CNTNAP5: variants seen among roughly 807,000 people sequenced by gnomAD.
CNTNAP5 encodes the protein contactin associated protein family member 5.
Under a neutral mutation model 150.2 loss-of-function variants are expected in CNTNAP5, and 72 were observed. That is an observed-to-expected ratio of 0.48 (90% CI 0.40 to 0.58). CNTNAP5 has a LOEUF of 0.58. CNTNAP5 is among the 20% of genes least tolerant of loss of function. The pLI is 0.00. For missense variants in CNTNAP5, 1,636 were observed against 1,626.2 expected (o/e 1.01, Z -0.10); for synonymous variants, 672 against 619.8 (o/e 1.08, Z -1.25).
At chr2:124,889,021 A>G (rs776210367) in intron 21 of CNTNAP5, among the ~76,000 whole-genome samples, 18 of 147,278 alleles carry the variant, frequency 1.2e-4, no homozygotes, top group African/African-American at 3.0e-4. Flanking sequence ...GTCAAGTCTA[A>G]TGTCTGAAAT....
chr2:124,864,643 A>G (rs1004835008), intron 19 of CNTNAP5, among the ~76,000 whole-genome samples: 2 of 151,922 alleles, frequency 1.3e-5, no homozygotes, highest in Non-Finnish European at 2.9e-5. Context: ...TGGGAGTCTC[A>G]TATGTCTAAA....
intron 1 of CNTNAP5, among the ~76,000 whole-genome samples, chr2:124,066,376 A>C (rs1325679079): frequency 6.6e-6 from 1 of 152,222 alleles, no homozygotes; most frequent in African/African-American, 2.4e-5. Context: ...TTTGGAGATT[A>C]GGATATACGT....
At chr2:124,086,512 C>T (rs1682696563) in intron 1 of CNTNAP5, among the ~76,000 whole-genome samples, 1 of 151,596 alleles carries the variant, frequency 6.6e-6, no homozygotes, top group African/African-American at 2.4e-5. Context: ...CTGGTGTACA[C>T]ACTTTTATAA....
intron 1 of CNTNAP5, among the ~76,000 whole-genome samples, chr2:124,031,731 A>C (rs533033187): frequency 6.6e-6 from 1 of 152,198 alleles, no homozygotes; most frequent in Admixed American, 6.5e-5. Context: ...ATAGAATCTA[A>C]AAAAAATACA....
At chr2:124,102,124 C>G (rs1295644040) in intron 1 of CNTNAP5, among the ~76,000 whole-genome samples, 1 of 152,152 alleles carries the variant, frequency 6.6e-6, no homozygotes, top group Non-Finnish European at 1.5e-5. Context: ...TCCACCACCC[C>G]CTGAACCAGA....
chr2:124,122,577 C>A (rs933271426), intron 1 of CNTNAP5, among the ~76,000 whole-genome samples: 1 of 152,096 alleles, frequency 6.6e-6, no homozygotes, highest in Non-Finnish European at 1.5e-5. Context: ...TTAGCACATT[C>A]CACACTTTAC....
chr2:124,856,836 G>A (rs951413065), intron 19 of CNTNAP5, among the ~76,000 whole-genome samples: 8 of 152,120 alleles, frequency 5.3e-5, no homozygotes, highest in Non-Finnish European at 7.4e-5. Flanking sequence ...CTACTTAGAC[G>A]TATACAGAGT....
At chr2:124,520,782 T>C (rs1032733033) in intron 8 of CNTNAP5, among the ~76,000 whole-genome samples, 1 of 152,188 alleles carries the variant, frequency 6.6e-6, no homozygotes, top group African/African-American at 2.4e-5. Flanking sequence ...GTTCTCCTCA[T>C]TGGACACGTC....
chr2:124,303,508 A>C (rs1688614260), intron 3 of CNTNAP5, among the ~76,000 whole-genome samples: 1 of 152,228 alleles, frequency 6.6e-6, no homozygotes, highest in Non-Finnish European at 1.5e-5. Context: ...CAACCAAGAC[A>C]GGTGTTCAAG....
At chr2:124,515,662 G>C (rs1361261938) in intron 8 of CNTNAP5, among the ~76,000 whole-genome samples, 4 of 152,156 alleles carry the variant, frequency 2.6e-5, no homozygotes, top group African/African-American at 9.7e-5. Context: ...ACTTGGCCTT[G>C]GAAGATTGGG....
At chr2:124,231,977 G>C (rs778748095) in intron 2 of CNTNAP5, among the ~76,000 whole-genome samples, 5 of 152,200 alleles carry the variant, frequency 3.3e-5, no homozygotes, top group African/African-American at 1.2e-4. Flanking sequence ...CAAGAAAGAA[G>C]CGAATTTCAT....
At chr2:124,254,427 C>T (rs371677599) in intron 3 of CNTNAP5, among the ~76,000 whole-genome samples, 19 of 152,282 alleles carry the variant, frequency 1.2e-4, no homozygotes, top group Non-Finnish European at 2.2e-4. Flanking sequence ...GTGGCTCCTG[C>T]GCAGTCCAGC....
chr2:124,465,592 G>T (rs1424345414), intron 6 of CNTNAP5, among the ~76,000 whole-genome samples: 3 of 152,004 alleles, frequency 2.0e-5, no homozygotes, highest in Non-Finnish European at 4.4e-5. Flanking sequence ...CATACCTCTT[G>T]GAATTACATA....
chr2:124,827,626 A>G (rs1444285855), intron 19 of CNTNAP5, among the ~76,000 whole-genome samples: 3 of 152,186 alleles, frequency 2.0e-5, no homozygotes, highest in African/African-American at 4.8e-5. Context: ...GAAGACGAAC[A>G]TAGTCCACTT....
intron 1 of CNTNAP5, among the ~76,000 whole-genome samples, chr2:124,098,010 A>G (rs1370790128): frequency 6.6e-6 from 1 of 151,906 alleles, no homozygotes; most frequent in Non-Finnish European, 1.5e-5. Flanking sequence ...CCTGGGCGAC[A>G]GAGCGAGACT....
intron 3 of CNTNAP5, among the ~76,000 whole-genome samples, chr2:124,262,174 G>A (rs1266187491): frequency 3.3e-5 from 5 of 152,020 alleles, no homozygotes. Context: ...AAGCCCAGGA[G>A]GTGGAGGTTG....
chr2:124,409,887 T>C (rs2104768069), intron 3 of CNTNAP5, among the ~76,000 whole-genome samples: 1 of 151,536 alleles, frequency 6.6e-6, no homozygotes, highest in African/African-American at 2.4e-5. Flanking sequence ...ATATTAACTT[T>C]AAATGTAAAT....
intron 21 of CNTNAP5, among the ~76,000 whole-genome samples, chr2:124,870,877 G>A (rs1677733117): frequency 6.6e-6 from 1 of 152,012 alleles, no homozygotes; most frequent in African/African-American, 2.4e-5. Context: ...AGAAAGAGCT[G>A]AAAAGGCATA....
chr2:124,213,374 A>G (rs1462719335), intron 1 of CNTNAP5, among the ~76,000 whole-genome samples: 1 of 152,228 alleles, frequency 6.6e-6, no homozygotes, highest in Non-Finnish European at 1.5e-5. Context: ...CTAGAATCAA[A>G]TCGTGAGAAA....
Sources: gnomAD v4.1 joint callset for allele counts (sites outside exome capture counted in the v4.1 genomes callset) on GRCh38, gnomAD v4.1.1 for gene constraint, MANE v1.5 for transcripts, NCBI Gene and HGNC (gene_info 2026-07-23, HGNC 2026-07-21) for gene names.